Variants in EGFLAM observed in about 807,000 individuals in gnomAD.
EGFLAM encodes EGF like, fibronectin type III and laminin G domains.
A neutral mutation model predicts 113.1 loss-of-function variants in EGFLAM; 79 were observed. That is an observed-to-expected ratio of 0.70 (90% CI 0.58 to 0.84). EGFLAM has a LOEUF of 0.84. EGFLAM is among the 40% of genes least tolerant of loss of function. The pLI is 0.00. For synonymous variants in EGFLAM, 504 were observed against 487.6 expected, an observed-to-expected ratio of 1.03 and a Z score of -0.44; for missense variants, 1,265 against 1,291.6, an observed-to-expected ratio of 0.98 and a Z score of 0.32.
intron 1 of EGFLAM, among the ~76,000 whole-genome samples, chr5:38,301,028 G>A (rs1282878430): frequency 1.3e-5 from 2 of 152,160 alleles, no homozygotes; most frequent in African/African-American, 2.4e-5. Flanking sequence ...CAGGAGTTCT[G>A]TCTTGGAGGT....
intron 1 of EGFLAM, among the ~76,000 whole-genome samples, chr5:38,331,975 A>C (rs1290092712): frequency 6.6e-6 from 1 of 152,200 alleles, no homozygotes; most frequent in Non-Finnish European, 1.5e-5. Flanking sequence ...TATGATGAGC[A>C]TGTTTGATTT....
At chr5:38,259,819 C>T (rs1185567890) in intron 1 of EGFLAM, among the ~76,000 whole-genome samples, 1 of 152,168 alleles carries the variant, frequency 6.6e-6, no homozygotes. Context: ...TGCAGTTTGT[C>T]TTCACAAACG....
intron 16 of EGFLAM, among the ~76,000 whole-genome samples, chr5:38,435,671 C>T (rs1742320553): frequency 1.3e-5 from 2 of 152,060 alleles, no homozygotes; most frequent in South Asian, 4.2e-4. Flanking sequence ...AGTGCTCATC[C>T]CCACCCCTAC....
At chr5:38,439,171 T>C (rs1028288070) in intron 17 of EGFLAM, among the ~76,000 whole-genome samples, 3 of 152,104 alleles carry the variant, frequency 2.0e-5, no homozygotes, top group African/African-American at 7.2e-5. Flanking sequence ...ATAAAATCCA[T>C]TAGCAGGTGC....
At chr5:38,426,942 G>A in intron 13 of EGFLAM, 67 bp from the exon 14 acceptor site, 1 of 1,583,598 alleles carries the variant, frequency 6.3e-7, no homozygotes, top group Non-Finnish European at 8.6e-7. Flanking sequence ...AAAGAACACA[G>A]CTATGGGTGC....
intron 6 of EGFLAM, among the ~76,000 whole-genome samples, chr5:38,387,403 T>C (rs978017116): frequency 1.3e-5 from 2 of 152,240 alleles, no homozygotes; most frequent in Non-Finnish European, 2.9e-5. Flanking sequence ...GTATACCAGC[T>C]ATCCCAACTG....
At chr5:38,368,373 G>A (rs1394907181) in intron 5 of EGFLAM, among the ~76,000 whole-genome samples, 2 of 152,194 alleles carry the variant, frequency 1.3e-5, no homozygotes, top group Non-Finnish European at 2.9e-5. Flanking sequence ...GGCATACCCT[G>A]TGAACTGTGC....
At chr5:38,373,750 T>A (rs1414905487) in intron 6 of EGFLAM, among the ~76,000 whole-genome samples, 1 of 152,202 alleles carries the variant, frequency 6.6e-6, no homozygotes. Flanking sequence ...TTTCATATAA[T>A]GATTTCTTTT....
chr5:38,415,447 C>A (rs1741611764), intron 11 of EGFLAM, among the ~76,000 whole-genome samples: 1 of 152,138 alleles, frequency 6.6e-6, no homozygotes, highest in Non-Finnish European at 1.5e-5. Context: ...CTTTGGGAAG[C>A]CAAGGCAGGA....
At position 38,448,326 on chromosome 5, in the gene EGFLAM, G is replaced by A. The variant is rs758486735; in HGVS notation, c.2490G>A (p.Pro830=). 7 of 1,614,018 alleles carry A rather than the reference G, an allele frequency of 4.3e-6. No homozygotes were observed. The highest frequency in any genetic ancestry group is 3.3e-5 in the Admixed American group (2 of 59,990). Residue 830 remains proline (P), a synonymous_variant, in exon 18 of 22, where the codon CCG becomes CCA. Transcript: ENST00000322350. ...QKAIIEAIEI[P]QFIGRSYLTY... ...CGATCATAGAAGCCATTGAGATCCC[G>A]CAGTTTATCGGCCGCAGTTACCTGA...
At chr5:38,341,521 T>C (rs1218661934) in intron 3 of EGFLAM, among the ~76,000 whole-genome samples, 2 of 152,184 alleles carry the variant, frequency 1.3e-5, no homozygotes, top group African/African-American at 4.8e-5. Flanking sequence ...GAGATTTGGG[T>C]GGAGACATAG....
intron 1 of EGFLAM, among the ~76,000 whole-genome samples, chr5:38,296,735 G>A (rs1476032951): frequency 6.6e-6 from 1 of 151,272 alleles, no homozygotes; most frequent in East Asian, 1.9e-4. Context: ...ACATATGTAT[G>A]TAATTTTGTA....
At chr5:38,321,233 T>G (rs1253034717) in intron 1 of EGFLAM, among the ~76,000 whole-genome samples, 1 of 152,158 alleles carries the variant, frequency 6.6e-6, no homozygotes, top group Non-Finnish European at 1.5e-5. Flanking sequence ...GTGCACAACC[T>G]AGATTCCTTA....
chr5:38,461,358 G>A (rs912039100), intron 20 of EGFLAM: 1 of 152,070 alleles, frequency 6.6e-6, no homozygotes, highest in Non-Finnish European at 1.5e-5. Flanking sequence ...TGATAAAGAA[G>A]CATGTTATTA....
At chr5:38,388,932 A>C (rs3110995) in intron 6 of EGFLAM, among the ~76,000 whole-genome samples, 1 of 126,698 alleles carries the variant, frequency 7.9e-6, no homozygotes, top group African/African-American at 3.9e-5. Context: ...AAAAAAAAAA[A>C]CAAAAAAAAA....
intron 18 of EGFLAM, among the ~76,000 whole-genome samples, chr5:38,448,675 T>A (rs1742805888): frequency 6.6e-6 from 1 of 152,200 alleles, no homozygotes. Flanking sequence ...TCCCAGAGTT[T>A]CCAGTATTCA....
intron 1 of EGFLAM, among the ~76,000 whole-genome samples, chr5:38,294,951 G>A (rs1023687055): frequency 6.6e-6 from 1 of 152,040 alleles, no homozygotes; most frequent in African/African-American, 2.4e-5. Context: ...TCAGCCTCCC[G>A]AGTAGCTGGG....
chr5:38,382,037 T>C (rs76715277), intron 6 of EGFLAM, among the ~76,000 whole-genome samples: 3,305 of 152,246 alleles, frequency 0.022, 70 homozygotes, highest in Non-Finnish European at 0.031. Context: ...ATTGCAGTAA[T>C]TGCAAAACAG....
intron 10 of EGFLAM, among the ~76,000 whole-genome samples, chr5:38,409,475 G>A (rs189501477): frequency 5.9e-5 from 9 of 152,290 alleles, no homozygotes; most frequent in African/African-American, 2.2e-4. Flanking sequence ...GCTGTTGAAT[G>A]TACCTGGCAC....
Sources: allele counts gnomAD v4.1 joint callset (sites outside exome capture counted in the v4.1 genomes callset), GRCh38; gene constraint gnomAD v4.1.1; transcripts MANE v1.5; gene names NCBI Gene and HGNC (gene_info 2026-07-23, HGNC 2026-07-21).